C2CD5: variants seen among roughly 807,000 people sequenced by gnomAD.
C2CD5 encodes C2 domain-containing protein 5.
A neutral mutation model predicts 130.3 loss-of-function variants in C2CD5; 109 were observed. The ratio of observed to expected loss-of-function variants is 0.84; its 90% CI spans 0.72 to 0.98. The LOEUF is 0.98. Ranked by LOEUF, C2CD5 falls within the 50% of genes least tolerant of loss-of-function variation. C2CD5 has a pLI of 0.00. For synonymous variants in C2CD5, 454 were observed against 429.2 expected, an observed-to-expected ratio of 1.06 and a Z score of -0.71; for missense variants, 996 against 1,261.8, an observed-to-expected ratio of 0.79 and a Z score of 3.19.
At chr12:22,503,589 C>T (rs1948084791) in intron 10 of C2CD5, among the ~76,000 whole-genome samples, 1 of 152,114 alleles carries the variant, frequency 6.6e-6, no homozygotes, top group Non-Finnish European at 1.5e-5. Context: ...CGGCTTACTG[C>T]AACCTCCATC....
rs758420810 is a variant in C2CD5, at chr12:22,478,482, T to A, written c.1738-5A>T. 3 of 1,609,312 alleles carry A rather than the reference T, an allele frequency of 1.9e-6. No individual in the cohort carries two copies. Among genetic ancestry groups the A allele is most frequent in the Middle Eastern group, 1.7e-4 (1 of 6,056 alleles). ...TAAATACACACCTGTGGCAGACTTG[T>A]AAAAAATAATGGGGAAATAATCAGA... On this transcript the variant is annotated splice_region_variant and splice_polypyrimidine_tract_variant and intron_variant, in intron 14 of 26. Transcript: ENST00000446597.
intron 25 of C2CD5, among the ~76,000 whole-genome samples, chr12:22,455,371 AATT>A (rs988020331): frequency 6.6e-6 from 1 of 152,212 alleles, no homozygotes; most frequent in Admixed American, 6.5e-5. Context: ...GGTGCTACAC[AATT>A]ATTATTATAA....
At chr12:22,519,306 T>A (rs1339009458) in intron 7 of C2CD5, 26 of 1,349,536 alleles carry the variant, frequency 1.9e-5, no homozygotes, top group Non-Finnish European at 2.4e-5. Context: ...CAGAGTTATG[T>A]TAAAATAATT....
intron 26 of C2CD5, among the ~76,000 whole-genome samples, chr12:22,450,751 TCA>T (rs1374048640): frequency 6.6e-6 from 1 of 152,124 alleles, no homozygotes; most frequent in African/African-American, 2.4e-5. Context: ...CACTTATGCA[TCA>T]CATTGTTTTT....
chr12:22,509,667 T>A (rs990984244), intron 9 of C2CD5, among the ~76,000 whole-genome samples: 1 of 152,242 alleles, frequency 6.6e-6, no homozygotes, highest in Non-Finnish European at 1.5e-5. Context: ...ATCACCACCA[T>A]AACTAGCAAC....
At chr12:22,477,786 G>C (rs1328728987) in intron 15 of C2CD5, among the ~76,000 whole-genome samples, 1 of 152,010 alleles carries the variant, frequency 6.6e-6, no homozygotes, top group Non-Finnish European at 1.5e-5. Flanking sequence ...GAGCAAATTT[G>C]TAAAAAAAGA....
intron 2 of C2CD5, 137 bp downstream of exon 2, chr12:22,543,924 G>A (rs1483412983): frequency 1.4e-5 from 9 of 656,486 alleles, no homozygotes; most frequent in Admixed American, 1.3e-4. Flanking sequence ...GTCATCCCTC[G>A]TGGGAGAGCT....
At chr12:22,473,945 T>A (rs990443305) in intron 16 of C2CD5, among the ~76,000 whole-genome samples, 1 of 152,098 alleles carries the variant, frequency 6.6e-6, no homozygotes, top group African/African-American at 2.4e-5. Flanking sequence ...ACCATATAAG[T>A]TGAGTTTTCT....
intron 10 of C2CD5, among the ~76,000 whole-genome samples, chr12:22,501,031 T>C (rs1947707618): frequency 6.6e-6 from 1 of 152,174 alleles, no homozygotes; most frequent in Non-Finnish European, 1.5e-5. Flanking sequence ...CATAAATGAT[T>C]TGCATATATT....
At chr12:22,493,389 T>C (rs1946608307) in intron 10 of C2CD5, 52 bp from the exon 11 acceptor site, 1 of 927,156 alleles carries the variant, frequency 1.1e-6, no homozygotes, top group African/African-American at 1.6e-5. Flanking sequence ...ATTATATATA[T>C]GAACATGAAA....
intron 14 of C2CD5, among the ~76,000 whole-genome samples, chr12:22,479,360 C>A (rs542313392): frequency 6.6e-6 from 1 of 151,792 alleles, no homozygotes; most frequent in African/African-American, 2.4e-5. Flanking sequence ...GGGCCTGAGT[C>A]ACTGGGCCCG....
At chr12:22,543,612 G>T (rs907814078) in intron 2 of C2CD5, among the ~76,000 whole-genome samples, 4 of 152,228 alleles carry the variant, frequency 2.6e-5, no homozygotes, top group Admixed American at 2.6e-4. Context: ...GTGCCTGTGT[G>T]TGTGTGTGTT....
At chr12:22,539,546 T>A (rs893994445) in intron 2 of C2CD5, among the ~76,000 whole-genome samples, 2 of 151,972 alleles carry the variant, frequency 1.3e-5, no homozygotes, top group Non-Finnish European at 2.9e-5. Flanking sequence ...TTTAGACATT[T>A]CTAGCAGTGG....
chr12:22,473,544 C>T (rs573045735), intron 16 of C2CD5, among the ~76,000 whole-genome samples: 1 of 152,282 alleles, frequency 6.6e-6, no homozygotes, highest in South Asian at 2.1e-4. Flanking sequence ...ACTGGATATT[C>T]CACTTGCCCT....
At chr12:22,487,038 T>A (rs1945632962) in intron 12 of C2CD5, among the ~76,000 whole-genome samples, 1 of 152,114 alleles carries the variant, frequency 6.6e-6, no homozygotes, top group Non-Finnish European at 1.5e-5. Context: ...TCCTTACACC[T>A]TATACAAAAA....
At chr12:22,480,996 G>T (rs1258229253) in intron 14 of C2CD5, among the ~76,000 whole-genome samples, 1 of 151,892 alleles carries the variant, frequency 6.6e-6, no homozygotes, top group African/African-American at 2.4e-5. Flanking sequence ...GTAGAGATGG[G>T]GTTTCGCCCT....
chr12:22,452,461 T>C (rs539188431), intron 26 of C2CD5, among the ~76,000 whole-genome samples: 3 of 152,252 alleles, frequency 2.0e-5, no homozygotes, highest in South Asian at 4.1e-4. Context: ...CCAAATCTTA[T>C]CAATAAGCTA....
At chr12:22,490,938 T>C (rs1376033759) in intron 11 of C2CD5, among the ~76,000 whole-genome samples, 2 of 151,980 alleles carry the variant, frequency 1.3e-5, no homozygotes, top group Non-Finnish European at 2.9e-5. Context: ...AACAGAAGCC[T>C]AAGAGAACAA....
intron 14 of C2CD5, 144 bp from the exon 15 acceptor site, chr12:22,478,621 A>G: frequency 1.4e-4 from 86 of 632,798 alleles, no homozygotes; most frequent in South Asian, 2.2e-4. Flanking sequence ...CAAGGCGGGC[A>G]GATCACTTGA....
Sources: allele counts gnomAD v4.1 joint callset (sites outside exome capture counted in the v4.1 genomes callset), GRCh38; gene constraint gnomAD v4.1.1; transcripts MANE v1.5; gene names NCBI Gene and HGNC (gene_info 2026-07-23, HGNC 2026-07-21).